Variants in ADAMTS9 observed in about 807,000 individuals in gnomAD.
The protein encoded by ADAMTS9 is ADAM metallopeptidase with thrombospondin type 1 motif 9, also known as A disintegrin and metalloproteinase with thrombospondin motifs 9.
Under a neutral mutation model 257.1 loss-of-function variants are expected in ADAMTS9, and 107 were observed. The observed-to-expected ratio is 0.42, with a 90% CI of 0.36 to 0.49. The LOEUF is 0.49. Ranked by LOEUF, ADAMTS9 falls within the 20% of genes least tolerant of loss-of-function variation. ADAMTS9 has a pLI of 0.03. For synonymous variants in ADAMTS9, 982 were observed against 880.9 expected (o/e 1.11, Z -2.03); for missense variants, 2,353 against 2,469.1 (o/e 0.95, Z 1.00).
chr3:64,660,962 A>C (rs1175826672), intron 3 of ADAMTS9, among the ~76,000 whole-genome samples: 2 of 152,186 alleles, frequency 1.3e-5, no homozygotes, highest in East Asian at 3.8e-4. Flanking sequence ...TACAGTGCGC[A>C]ATCAGTTTAT....
At chr3:64,559,215 G>T (rs375204517) in intron 30 of ADAMTS9, among the ~76,000 whole-genome samples, 2 of 152,106 alleles carry the variant, frequency 1.3e-5, no homozygotes, top group African/African-American at 4.8e-5. Flanking sequence ...CGTCCTTCAC[G>T]CTCAGTCTTG....
At chr3:64,521,446 T>C (rs2082850238) in intron 39 of ADAMTS9, 1 of 152,148 alleles carries the variant, frequency 6.6e-6, no homozygotes, top group South Asian at 2.1e-4. Flanking sequence ...ACTGGGTATA[T>C]ATCAAAAAGA....
At chr3:64,613,828 TAA>T (rs1177393594) in intron 21 of ADAMTS9, among the ~76,000 whole-genome samples, 3 of 152,302 alleles carry the variant, frequency 2.0e-5, no homozygotes, top group Non-Finnish European at 4.4e-5. Context: ...CACATCAACC[TAA>T]GTTTTAACAC....
intron 30 of ADAMTS9, 55 bp from the exon 31 acceptor site, chr3:64,551,117 C>T: frequency 6.4e-7 from 1 of 1,571,034 alleles, no homozygotes; most frequent in Non-Finnish European, 8.7e-7. Flanking sequence ...TATCCTATGA[C>T]TGTAATTATG....
intron 28 of ADAMTS9, chr3:64,568,981 G>C (rs7624464): frequency 0.58 from 91,718 of 157,502 alleles, 28,858 homozygotes; most frequent in African/African-American, 0.82. Context: ...TAAAACTCTT[G>C]AACCATTTTC....
chr3:64,573,263 T>A (rs1007105980), intron 28 of ADAMTS9, among the ~76,000 whole-genome samples: 1 of 152,096 alleles, frequency 6.6e-6, no homozygotes, highest in African/African-American at 2.4e-5. Context: ...GTTCTATGTA[T>A]CTAGGTGATT....
chr3:64,549,853 G>C (rs1017871973), intron 31 of ADAMTS9, among the ~76,000 whole-genome samples: 1 of 152,186 alleles, frequency 6.6e-6, no homozygotes, highest in Non-Finnish European at 1.5e-5. Flanking sequence ...GAGATAATTA[G>C]AAAAGACTTT....
intron 26 of ADAMTS9, among the ~76,000 whole-genome samples, chr3:64,600,051 CT>C (rs35753372): frequency 0.1 from 10,903 of 104,008 alleles, 380 homozygotes; most frequent in African/African-American, 0.23. Flanking sequence ...AGTTTCTGTT[CT>C]TTTTTTTTTT....
At chr3:64,640,363 G>A (rs1700607161) in intron 12 of ADAMTS9, among the ~76,000 whole-genome samples, 1 of 152,216 alleles carries the variant, frequency 6.6e-6, no homozygotes, top group African/African-American at 2.4e-5. Context: ...AGATTCGGAA[G>A]CTTTGCCAAT....
At chr3:64,679,948 G>C (rs1701712884) in intron 3 of ADAMTS9, among the ~76,000 whole-genome samples, 1 of 152,038 alleles carries the variant, frequency 6.6e-6, no homozygotes, top group African/African-American at 2.4e-5. Flanking sequence ...CATATCCCTT[G>C]GCTCTTTAGA....
chr3:64,622,212 C>A lies in ADAMTS9; in HGVS notation c.2672G>T (p.Ser891Ile), dbSNP rs374939195. 6.2e-7 allele frequency: 1 copy of A among 1,613,668 alleles called. No homozygotes were observed. The highest frequency in any genetic ancestry group is 1.3e-5 in the African/African-American group (1 of 74,996). The change falls in exon 18 of 40, where the codon AGT becomes ATT. Residue 891 changes from serine to isoleucine, a missense_variant. Ser to Ile is a moderately radical substitution (Grantham distance 142). Transcript: ENST00000498707. ...WNSHGPWQAC[S>I]KPCQGERKRK... ...AAAGCAGATACCTTGGCAGGGTTTACTGCATGCTTGCCATGGCCCATGACT... is the reference window on the plus strand; with the variant it reads ...AAAGCAGATACCTTGGCAGGGTTTAATGCATGCTTGCCATGGCCCATGACT...
At chr3:64,647,732 G>A (rs941810597) in intron 11 of ADAMTS9, among the ~76,000 whole-genome samples, 1 of 152,196 alleles carries the variant, frequency 6.6e-6, no homozygotes, top group Non-Finnish European at 1.5e-5. Flanking sequence ...ATAATGATAG[G>A]TATATTCTCT....
intron 11 of ADAMTS9, among the ~76,000 whole-genome samples, chr3:64,645,985 A>C (rs1700776226): frequency 1.3e-5 from 2 of 152,238 alleles, no homozygotes; most frequent in African/African-American, 4.8e-5. Context: ...TTGGTTGGGT[A>C]ACCATACTGC....
rs755677059 is a variant in ADAMTS9, at chr3:64,651,025, C to T, written c.1455G>A (p.Glu485=). Residue 485 remains glutamate, a synonymous_variant, in exon 9 of 40, where the codon GAG becomes GAA. Transcript: ENST00000498707. ...WSKCSRKYIT[E]FLDTGYGECL... is the part of the protein sequence containing the mutation. ...GAATGTTCAAGTCTTACTCTAAAAA[C>T]TCAGTGATATATTTTCGACTACACT... 2 of 1,603,412 alleles carry T rather than the reference C, an allele frequency of 1.2e-6. No homozygotes were observed. Among genetic ancestry groups the T allele is most frequent in the East Asian group, 2.3e-5 (1 of 43,946 alleles).
At chr3:64,658,818 A>G in intron 3 of ADAMTS9, 27 bp from the exon 4 acceptor site, 1 of 1,586,052 alleles carries the variant, frequency 6.3e-7, no homozygotes, top group South Asian at 1.2e-5. Flanking sequence ...GGTATGCATT[A>G]CATTTCAAGC....
chr3:64,630,977 T>C (rs1285769228), intron 16 of ADAMTS9, among the ~76,000 whole-genome samples: 1 of 152,142 alleles, frequency 6.6e-6, no homozygotes, highest in African/African-American at 2.4e-5. Flanking sequence ...AAAATACGTG[T>C]CACCATAGAA....
At chr3:64,647,117 A>T (rs923945357) in intron 11 of ADAMTS9, among the ~76,000 whole-genome samples, 1 of 152,228 alleles carries the variant, frequency 6.6e-6, no homozygotes, top group African/African-American at 2.4e-5. Context: ...AAAAATATAT[A>T]TAAGGATAAC....
intron 28 of ADAMTS9, among the ~76,000 whole-genome samples, chr3:64,584,748 TCCCC>T: frequency 6.6e-6 from 1 of 152,078 alleles, no homozygotes; most frequent in Admixed American, 6.6e-5. Context: ...CCACATTTGC[TCCCC>T]CCATCTCTCT....
At chr3:64,676,454 T>A (rs1439470304) in intron 3 of ADAMTS9, among the ~76,000 whole-genome samples, 4 of 152,222 alleles carry the variant, frequency 2.6e-5, no homozygotes, top group African/African-American at 9.7e-5. Context: ...ATAATCACTG[T>A]TAATATTTTC....
Sources: allele counts gnomAD v4.1 joint callset (sites outside exome capture counted in the v4.1 genomes callset), GRCh38; gene constraint gnomAD v4.1.1; transcripts MANE v1.5; gene names NCBI Gene and HGNC (gene_info 2026-07-23, HGNC 2026-07-21).